The following FAP variants were observed in gnomAD, a reference collection of about 807,000 sequenced individuals.
FAP encodes the protein fibroblast activation protein alpha.
FAP carries 110 observed loss-of-function variants against 126.5 expected under a neutral mutation model. The ratio of observed to expected loss-of-function variants is 0.87; its 90% CI spans 0.74 to 1.02. The LOEUF is 1.02. FAP is among the 50% of genes least tolerant of loss of function. The probability of loss-of-function intolerance (pLI) is 0.00; values close to 1 mark genes in which losing one functional copy is unlikely to be tolerated. For synonymous variants in FAP, 334 were observed against 297.3 expected, an observed-to-expected ratio of 1.12 and a Z score of -1.27; for missense variants, 919 against 909.2, an observed-to-expected ratio of 1.01 and a Z score of -0.14.
intron 2 of FAP, among the ~76,000 whole-genome samples, chr2:162,231,205 ATGTGTGTATGTGTGTGTC>A (rs947193902): frequency 6.6e-6 from 1 of 152,170 alleles, no homozygotes; most frequent in African/African-American, 2.4e-5. Flanking sequence ...AGTGTTTGGA[ATGTGTGTATGTGTGTGTC>A]TGTGTGTAAA....
At chr2:162,183,106 AACAAAGGCAATTCACC>A (rs1358032930) in intron 21 of FAP, among the ~76,000 whole-genome samples, 16 of 152,210 alleles carry the variant, frequency 1.1e-4, no homozygotes, top group African/African-American at 3.4e-4. Flanking sequence ...ACTTTAAAAT[AACAAAGGCAATTCACC>A]CTCTGACGGA....
intron 9 of FAP, among the ~76,000 whole-genome samples, chr2:162,216,283 T>A (rs2106270693): frequency 6.6e-6 from 1 of 152,344 alleles, no homozygotes; most frequent in South Asian, 2.1e-4. Context: ...AAAATGCAGT[T>A]CTGTGAACCA....
intron 11 of FAP, among the ~76,000 whole-genome samples, chr2:162,210,630 GA>G (rs1180183060): frequency 6.6e-6 from 1 of 152,102 alleles, no homozygotes; most frequent in African/African-American, 2.4e-5. Context: ...AGATTTTGGA[GA>G]AACTTTATGG....
At chr2:162,228,947 A>G (rs1390154257) in intron 2 of FAP, among the ~76,000 whole-genome samples, 2 of 152,174 alleles carry the variant, frequency 1.3e-5, no homozygotes, top group African/African-American at 4.8e-5. Flanking sequence ...TGCCTACACA[A>G]TCCTGAATAT....
chr2:162,227,953 C>T (rs1257156057), intron 2 of FAP, among the ~76,000 whole-genome samples: 1 of 152,116 alleles, frequency 6.6e-6, no homozygotes, highest in African/African-American at 2.4e-5. Context: ...GAGCATGTTC[C>T]TTGCTTTTAC....
In FAP at chr2:162,174,877, C is replaced by T. The variant is rs760260596; in HGVS notation, c.1959G>A (p.Trp653Ter). 6.2e-7 allele frequency: 1 copy of T among 1,609,642 alleles called. No individual in the cohort carries two copies. Among genetic ancestry groups the T allele is most frequent in the African/African-American group, 1.3e-5 (1 of 74,808 alleles). The change falls in exon 22 of 26, where the codon TGG (tryptophan) becomes TGA (stop). Residue 653 changes from tryptophan (W) to a stop codon, truncating the protein, a stop_gained. Coordinates refer to ENST00000188790, the MANE Select transcript of FAP (RefSeq NM_004460.5). LOFTEE classifies it high-confidence loss of function. ...TGAATGTTTCCATACCGTAATATTC[C>T]CAGCTGGAGACTGGAGCCACTGCTA... ...CGIAVAPVSS[W>*]EYYASVYTER... is the part of the protein sequence containing the mutation.
intron 21 of FAP, among the ~76,000 whole-genome samples, chr2:162,183,184 T>C (rs1373636313): frequency 6.6e-6 from 1 of 152,084 alleles, no homozygotes; most frequent in Admixed American, 6.5e-5. Flanking sequence ...TAAGTAAAAA[T>C]ATGTCAATTA....
At chr2:162,232,277 G>A (rs1689933424) in intron 2 of FAP, among the ~76,000 whole-genome samples, 1 of 152,148 alleles carries the variant, frequency 6.6e-6, no homozygotes, top group African/African-American at 2.4e-5. Context: ...GCCATCTGAG[G>A]TAAATACTTT....
At chr2:162,184,298 A>G (rs552273897) in intron 20 of FAP, among the ~76,000 whole-genome samples, 1 of 152,342 alleles carries the variant, frequency 6.6e-6, no homozygotes, top group East Asian at 1.9e-4. Context: ...CACCGTATGC[A>G]ACAGTGACAG....
rs768798705 is a variant in FAP at position 162,216,015 on chromosome 2, T to G, written c.763-14A>C. 1 of 1,586,864 alleles carries G rather than the reference T, an allele frequency of 6.3e-7. No homozygotes were observed. The highest frequency in any genetic ancestry group is 1.1e-5 in the South Asian group (1 of 90,316). On this transcript the variant is annotated splice_polypyrimidine_tract_variant and intron_variant, in intron 9 of 25. Transcript: ENST00000188790. ...CTTAGCTCCAGCCTGCCAAGAAAAT[T>G]GAGATATATAAGCTCATAAAATTCC...
Position 162,172,850 on chromosome 2 carries a change from A to G in FAP, c.2142T>C (p.Ala714=), listed in dbSNP as rs774430914. The change falls in exon 25 of 26, where the codon GCT becomes GCC. Residue 714 remains alanine, a synonymous_variant. Coordinates refer to ENST00000188790, the MANE Select transcript of FAP (RefSeq NM_004460.5). ...CCACTTGTGCATTAACCAGAGCTTT[A>G]GCAATCTGTGCTGAGTTTTGAAAGT... ...NVHFQNSAQI[A]KALVNAQVDF... is the part of the protein sequence containing the mutation. 6.2e-7 allele frequency: 1 copy of G among 1,613,120 alleles called. No homozygotes were observed. The highest frequency in any genetic ancestry group is 8.5e-7 in the Non-Finnish European group (1 of 1,179,340).
chr2:162,189,264 A>G (rs1687958965), intron 18 of FAP, 92 bp from the exon 19 acceptor site: 2 of 643,492 alleles, frequency 3.1e-6, no homozygotes, highest in Non-Finnish European at 5.2e-6. Flanking sequence ...AATAAAATCA[A>G]TTTTCAACTA....
chr2:162,174,341 AGAGTT>A (rs1414476847), intron 22 of FAP, among the ~76,000 whole-genome samples: 2 of 151,808 alleles, frequency 1.3e-5, no homozygotes, highest in Admixed American at 6.6e-5. Flanking sequence ...TAAAATTATT[AGAGTT>A]ATTTTGTATA....
chr2:162,225,208 T>C (rs1333780892), intron 4 of FAP, among the ~76,000 whole-genome samples: 2 of 152,178 alleles, frequency 1.3e-5, no homozygotes, highest in East Asian at 3.8e-4. Context: ...GAGCCAGGAT[T>C]TGAACCTCAA....
chr2:162,193,279 C>A (rs1249036027), intron 17 of FAP, among the ~76,000 whole-genome samples: 1 of 152,128 alleles, frequency 6.6e-6, no homozygotes, highest in African/African-American at 2.4e-5. Flanking sequence ...TCCTGGGAAT[C>A]CGTATTTATA....
At chr2:162,231,340 C>T (rs930702558) in intron 2 of FAP, among the ~76,000 whole-genome samples, 2 of 152,184 alleles carry the variant, frequency 1.3e-5, no homozygotes, top group Admixed American at 6.5e-5. Flanking sequence ...TTCATGTCCC[C>T]TTCCAAATAA....
At chr2:162,199,350 T>C (rs938603760) in intron 15 of FAP, among the ~76,000 whole-genome samples, 5 of 152,192 alleles carry the variant, frequency 3.3e-5, no homozygotes, top group Non-Finnish European at 7.3e-5. Flanking sequence ...AAATTGGAAA[T>C]AAGAAATTAC....
rs753218528 is a variant in FAP at position 162,213,982 on chromosome 2, T to A, written c.958A>T (p.Ile320Leu). 2 of 1,614,066 alleles carry A rather than the reference T, an allele frequency of 1.2e-6. No homozygotes were observed. Among genetic ancestry groups the A allele is most frequent in the Admixed American group, 3.3e-5 (2 of 60,026 alleles). Residue 320 changes from isoleucine to leucine, a missense_variant, in exon 11 of 26, where the codon ATA becomes TTA. Ile to Leu is a conservative substitution (Grantham distance 5). Coordinates refer to ENST00000188790, the MANE Select transcript of FAP (RefSeq NM_004460.5). Reference protein sequence around the residue: ...KRVQNVSVLSICDFREDWQTW... With the variant: ...KRVQNVSVLSLCDFREDWQTW... ...TGCCAGTCTTCCCTGAAGTCACATA[T>A]AGACAGGACCGAAACATTCTGGACT...
At chr2:162,210,249 A>G (rs1688872836) in intron 11 of FAP, among the ~76,000 whole-genome samples, 1 of 152,238 alleles carries the variant, frequency 6.6e-6, no homozygotes, top group Non-Finnish European at 1.5e-5. Context: ...ACTTGGAATT[A>G]TCACAACATC....
Sources: allele counts gnomAD v4.1 joint callset (sites outside exome capture counted in the v4.1 genomes callset), GRCh38; gene constraint gnomAD v4.1.1; transcripts MANE v1.5; gene names NCBI Gene and HGNC (gene_info 2026-07-23, HGNC 2026-07-21).